Variants in LRRTM4 observed in about 807,000 individuals in gnomAD.
LRRTM4 encodes the protein leucine-rich repeat transmembrane neuronal protein 4.
A neutral mutation model predicts 47.6 loss-of-function variants in LRRTM4; 25 were observed. The ratio of observed to expected loss-of-function variants is 0.53; its 90% CI spans 0.38 to 0.73. LRRTM4 has a LOEUF of 0.73. LRRTM4 is among the 30% of genes least tolerant of loss of function. The pLI is 0.00. For missense variants in LRRTM4, 638 were observed against 713.4 expected (o/e 0.89, Z 1.20); for synonymous variants, 311 against 269.5 (o/e 1.15, Z -1.51).
At chr2:77,457,383 C>T (rs1464881954) in intron 3 of LRRTM4, among the ~76,000 whole-genome samples, 1 of 151,876 alleles carries the variant, frequency 6.6e-6, no homozygotes, top group Non-Finnish European at 1.5e-5. Flanking sequence ...CTCTTCAAGA[C>T]CTGGTATATA....
chr2:77,049,581 T>G (rs1260238129), intron 3 of LRRTM4, among the ~76,000 whole-genome samples: 1 of 152,060 alleles, frequency 6.6e-6, no homozygotes, highest in African/African-American at 2.4e-5. Context: ...GTTGACCGTT[T>G]GTTTGTCTTC....
chr2:77,063,337 G>C (rs548994399), intron 3 of LRRTM4, among the ~76,000 whole-genome samples: 1 of 152,196 alleles, frequency 6.6e-6, no homozygotes, highest in Non-Finnish European at 1.5e-5. Context: ...GATCTCCAAA[G>C]ACTTGTTTTA....
chr2:77,001,240 G>A (rs980423351), intron 3 of LRRTM4, among the ~76,000 whole-genome samples: 1 of 152,098 alleles, frequency 6.6e-6, no homozygotes, highest in Non-Finnish European at 1.5e-5. Context: ...AAGGCCCAAA[G>A]AGAGAAGACA....
intron 3 of LRRTM4, among the ~76,000 whole-genome samples, chr2:77,456,249 A>C (rs899538030): frequency 2.0e-5 from 3 of 152,078 alleles, no homozygotes; most frequent in Admixed American, 2.0e-4. Flanking sequence ...CTACCCTAAA[A>C]ATTCTCTGAA....
intron 3 of LRRTM4, among the ~76,000 whole-genome samples, chr2:77,125,156 G>C (rs1572985944): frequency 6.6e-6 from 1 of 152,196 alleles, no homozygotes; most frequent in Middle Eastern, 3.4e-3. Context: ...AAAATTTTTG[G>C]CCACACACAT....
At chr2:77,319,219 C>G (rs746420764) in intron 3 of LRRTM4, among the ~76,000 whole-genome samples, 1 of 151,976 alleles carries the variant, frequency 6.6e-6, no homozygotes, top group Non-Finnish European at 1.5e-5. Context: ...AACCTTGTCT[C>G]TACTAAAAAT....
intron 3 of LRRTM4, among the ~76,000 whole-genome samples, chr2:76,808,408 T>G (rs1670626782): frequency 6.6e-6 from 1 of 150,964 alleles, no homozygotes; most frequent in African/African-American, 2.4e-5. Context: ...AAAAATATTT[T>G]CCAACTGCAT....
chr2:76,917,784 T>C (rs1230908288), intron 3 of LRRTM4, among the ~76,000 whole-genome samples: 2 of 152,172 alleles, frequency 1.3e-5, no homozygotes, highest in Non-Finnish European at 2.9e-5. Context: ...CTGATACAAG[T>C]AGGATACTTG....
chr2:77,050,263 A>G (rs2103769582), intron 3 of LRRTM4, among the ~76,000 whole-genome samples: 1 of 151,482 alleles, frequency 6.6e-6, no homozygotes, highest in Non-Finnish European at 1.5e-5. Context: ...ATATTCCTGC[A>G]TGGCAACCAT....
intron 3 of LRRTM4, among the ~76,000 whole-genome samples, chr2:77,471,387 T>C (rs1677183238): frequency 6.6e-6 from 1 of 152,194 alleles, no homozygotes; most frequent in Non-Finnish European, 1.5e-5. Flanking sequence ...AGCTCTGGAA[T>C]AACAATAGCC....
At chr2:77,037,407 G>C (rs1407903372) in intron 3 of LRRTM4, among the ~76,000 whole-genome samples, 1 of 151,682 alleles carries the variant, frequency 6.6e-6, no homozygotes, top group Non-Finnish European at 1.5e-5. Flanking sequence ...GGTCACTATA[G>C]TTCTCTCTGT....
At chr2:76,943,557 A>G (rs980433227) in intron 3 of LRRTM4, among the ~76,000 whole-genome samples, 1 of 152,234 alleles carries the variant, frequency 6.6e-6, no homozygotes, top group African/African-American at 2.4e-5. Flanking sequence ...GTCTACATTT[A>G]TGCTGTATAT....
intron 3 of LRRTM4, among the ~76,000 whole-genome samples, chr2:77,093,732 G>A (rs1160749750): frequency 1.3e-5 from 2 of 151,964 alleles, no homozygotes; most frequent in Non-Finnish European, 2.9e-5. Flanking sequence ...ACGCCCAGAT[G>A]GCCTGAAGTA....
chr2:76,971,627 G>A (rs1676222888), intron 3 of LRRTM4, among the ~76,000 whole-genome samples: 1 of 152,018 alleles, frequency 6.6e-6, no homozygotes, highest in Non-Finnish European at 1.5e-5. Flanking sequence ...CAATATTGGA[G>A]CAAGCATGGG....
chr2:76,949,575 C>T (rs1052739857), intron 3 of LRRTM4, among the ~76,000 whole-genome samples: 4 of 151,816 alleles, frequency 2.6e-5, no homozygotes, highest in South Asian at 2.1e-4. Context: ...GCATGAAAAA[C>T]GTGCCAAAAA....
chr2:77,401,580 T>C (rs55964217), intron 3 of LRRTM4, among the ~76,000 whole-genome samples: 4,953 of 151,998 alleles, frequency 0.033, 264 homozygotes, highest in African/African-American at 0.11. Context: ...AGATAAGAGG[T>C]GCTAAATTTT....
intron 3 of LRRTM4, among the ~76,000 whole-genome samples, chr2:76,863,454 T>G (rs916715470): frequency 6.6e-6 from 1 of 152,188 alleles, no homozygotes; most frequent in Non-Finnish European, 1.5e-5. Flanking sequence ...AAGCTTAGGC[T>G]GGTGTATATG....
At chr2:76,830,927 TG>T (rs1052721535) in intron 3 of LRRTM4, among the ~76,000 whole-genome samples, 4 of 152,056 alleles carry the variant, frequency 2.6e-5, no homozygotes, top group Non-Finnish European at 4.4e-5. Context: ...AACAATGCCA[TG>T]CTTCAAATTA....
chr2:77,458,019 G>C (rs72811237), intron 3 of LRRTM4, among the ~76,000 whole-genome samples: 22,548 of 152,104 alleles, frequency 0.15, 1,898 homozygotes, highest in South Asian at 0.31. Context: ...AAATTATCCA[G>C]GTGAGAGAAA....
Sources: gnomAD v4.1 joint callset for allele counts (sites outside exome capture counted in the v4.1 genomes callset) on GRCh38, gnomAD v4.1.1 for gene constraint, MANE v1.5 for transcripts, NCBI Gene and HGNC (gene_info 2026-07-23, HGNC 2026-07-21) for gene names.